Variants in DRD3 observed in about 807,000 individuals in gnomAD.
DRD3 encodes the protein D(3) dopamine receptor.
Under a neutral mutation model 36.3 loss-of-function variants are expected in DRD3, and 19 were observed. The observed-to-expected ratio is 0.52, with a 90% CI of 0.36 to 0.77. DRD3 has a LOEUF of 0.77. DRD3 is among the 30% of genes least tolerant of loss of function. The pLI, the probability that DRD3 is intolerant of heterozygous loss-of-function variation, is 0.00. For synonymous variants in DRD3, 195 were observed against 203.7 expected (o/e 0.96, Z 0.36); for missense variants, 465 against 505.3 (o/e 0.92, Z 0.77).
At chr3:114,188,935 C>G (rs1220955033) in intron 1 of DRD3, among the ~76,000 whole-genome samples, 1 of 152,132 alleles carries the variant, frequency 6.6e-6, no homozygotes, top group Non-Finnish European at 1.5e-5. Context: ...ACCTGAAACA[C>G]TCCAAAGAAT....
intron 5 of DRD3, among the ~76,000 whole-genome samples, chr3:114,134,182 T>C (rs1342556624): frequency 2.0e-5 from 3 of 152,174 alleles, no homozygotes; most frequent in African/African-American, 7.2e-5. Context: ...GTCTTCTAGG[T>C]ACACAGAACT....
upstream of DRD3, among the ~76,000 whole-genome samples, chr3:114,182,165 G>A (rs2077951666): frequency 6.6e-6 from 1 of 152,186 alleles, no homozygotes; most frequent in African/African-American, 2.4e-5. Flanking sequence ...AATGCAGTGA[G>A]TGGTCCAGTA....
intron 4 of DRD3, 123 bp from the exon 5 acceptor site, chr3:114,139,819 A>T (rs2077509091): frequency 1.2e-6 from 1 of 851,048 alleles, no homozygotes; most frequent in Non-Finnish European, 1.8e-6. Context: ...GGTGGGAAGG[A>T]TGCAGTCTCA....
chr3:114,136,018 C>T (rs2077471866), intron 5 of DRD3, among the ~76,000 whole-genome samples: 1 of 152,106 alleles, frequency 6.6e-6, no homozygotes, highest in African/African-American at 2.4e-5. Flanking sequence ...ATTAAACTGG[C>T]ACCTACTGAT....
At chr3:114,159,612 T>A in intron 3 of DRD3, 143 bp downstream of exon 3, 31 of 606,920 alleles carry the variant, frequency 5.1e-5, no homozygotes, top group Middle Eastern at 4.8e-4. Context: ...CTGCAAACCA[T>A]ACTTTAAAAG....
intron 4 of DRD3, among the ~76,000 whole-genome samples, chr3:114,142,255 A>C (rs908239176): frequency 6.6e-6 from 1 of 152,082 alleles, no homozygotes; most frequent in Non-Finnish European, 1.5e-5. Flanking sequence ...TGTTGTCAGC[A>C]TCTGACTATG....
At chr3:114,185,509 C>A (rs1439592109) in intron 1 of DRD3, among the ~76,000 whole-genome samples, 1 of 151,622 alleles carries the variant, frequency 6.6e-6, no homozygotes, top group African/African-American at 2.4e-5. Flanking sequence ...AGGTTGTTTT[C>A]TTGACTTTTC....
intron 5 of DRD3, among the ~76,000 whole-genome samples, chr3:114,134,547 G>T (rs1285169503): frequency 2.0e-5 from 3 of 151,990 alleles, no homozygotes; most frequent in Admixed American, 2.0e-4. Flanking sequence ...AGACTCCTGA[G>T]TAGCTGGGAT....
chr3:114,147,622 T>C, intron 3 of DRD3, 65 bp from the exon 4 acceptor site: 3 of 1,484,648 alleles, frequency 2.0e-6, no homozygotes, highest in Non-Finnish European at 2.7e-6. Flanking sequence ...TCTTTCTGCG[T>C]TGTTGTTGTT....
chr3:114,131,642 T>C (rs4592996), intron 5 of DRD3, among the ~76,000 whole-genome samples: 135,131 of 152,168 alleles, frequency 0.89, 61,409 homozygotes, highest in East Asian at 0.99. Flanking sequence ...GCCTACAGAA[T>C]GGGAGAAAAT....
chr3:114,134,498 C>A (rs1288368438), intron 5 of DRD3, among the ~76,000 whole-genome samples: 1 of 152,146 alleles, frequency 6.6e-6, no homozygotes, highest in Admixed American at 6.5e-5. Context: ...CGGCTCATTG[C>A]AACCTCTGCC....
intron 2 of DRD3, among the ~76,000 whole-genome samples, chr3:114,162,619 A>G (rs2077744618): frequency 6.6e-6 from 1 of 152,238 alleles, no homozygotes; most frequent in East Asian, 1.9e-4. Context: ...TTATAATTCT[A>G]TGACAGAGGA....
rs577813695 is a variant in DRD3, at chr3:114,190,202, G to A, written c.-156+9071C>T. ...AAGTATAATTTCAATAAAATAGCAA[G>A]AAGCCTTCACCAACCAGGTGAACTG... On this transcript the variant is annotated intron_variant, in intron 1 of 7. Transcript: ENST00000460779. 2.0e-3 allele frequency among the ~76,000 whole-genome samples: 300 copies of A among 151,660 alleles called. 1 individual carries two copies. The highest frequency in any genetic ancestry group is 3.8e-3 in the Non-Finnish European group (258 of 67,890).
At chr3:114,183,709 A>G (rs1189427355), upstream of DRD3, among the ~76,000 whole-genome samples, 1 of 151,968 alleles carries the variant, frequency 6.6e-6, no homozygotes, top group Non-Finnish European at 1.5e-5. Context: ...TTTGACTTAA[A>G]TTCATTTTTG....
intron 3 of DRD3, among the ~76,000 whole-genome samples, chr3:114,154,507 A>C (rs2077647494): frequency 6.6e-6 from 1 of 152,176 alleles, no homozygotes; most frequent in Non-Finnish European, 1.5e-5. Context: ...TTATTTGGTC[A>C]GACAGGGGGC....
At chr3:114,135,049 C>T (rs1376024218) in intron 5 of DRD3, among the ~76,000 whole-genome samples, 1 of 152,124 alleles carries the variant, frequency 6.6e-6, no homozygotes, top group Non-Finnish European at 1.5e-5. Flanking sequence ...TATGTTTGTA[C>T]CCCTGAATCC....
chr3:114,180,937 C>T (rs879569636), upstream of DRD3, among the ~76,000 whole-genome samples: 1 of 152,138 alleles, frequency 6.6e-6, no homozygotes, highest in Admixed American at 6.6e-5. Flanking sequence ...GAGTTAAGAA[C>T]CTCATATCAC....
In DRD3 at chr3:114,139,487, C is replaced by T; in HGVS notation, c.723+13G>A. 1 of 1,610,092 alleles carries T rather than the reference C, an allele frequency of 6.2e-7. No individual in the cohort carries two copies. Among genetic ancestry groups the T allele is most frequent in the Admixed American group, 1.7e-5 (1 of 59,968 alleles). On this transcript the variant is annotated intron_variant, in intron 5 of 6. Transcript: ENST00000383673. ...GGGTGTTGTCTTCCCTCTACCCCCT[C>T]CAGGGTACTTACTTGCTGGGGGAAG... is the stretch of plus-strand genomic sequence containing the variant.
chr3:114,128,514 C>T lies in DRD3; in HGVS notation c.*202G>A, dbSNP rs1213960460. On this transcript the variant is annotated 3_prime_UTR_variant, in exon 7 of 7. Coordinates refer to ENST00000383673, the MANE Select transcript of DRD3 (RefSeq NM_000796.6). ...AGCTCCCCAGTCATTTGAAGATTGT[C>T]AGAATGAAGTCAGATTTTAGCTGGG... is the stretch of plus-strand genomic sequence containing the variant. The T allele has an allele frequency of 6.7e-6, 3 of 447,544 alleles. No homozygotes were observed. Among genetic ancestry groups the T allele is most frequent in the African/African-American group, 5.9e-5 (3 of 50,474 alleles). The allele number at this position is 447,544 out of a possible 1,614,324, so 27.7% of individuals were successfully genotyped here.
Sources: allele counts gnomAD v4.1 joint callset (sites outside exome capture counted in the v4.1 genomes callset), GRCh38; gene constraint gnomAD v4.1.1; transcripts MANE v1.5; gene names NCBI Gene and HGNC (gene_info 2026-07-23, HGNC 2026-07-21).